Variants in FRAS1 observed in about 807,000 individuals in gnomAD.
FRAS1 encodes the protein Fraser extracellular matrix complex subunit 1, also known as extracellular matrix organizing protein FRAS1.
Under a neutral mutation model 435.2 loss-of-function variants are expected in FRAS1, and 290 were observed. The observed-to-expected ratio is 0.67, with a 90% confidence interval of 0.61 to 0.73. The LOEUF (loss-of-function observed/expected upper bound fraction) is 0.73. Ranked by LOEUF, FRAS1 falls within the 30% of genes least tolerant of loss-of-function variation. The pLI is 0.00. For synonymous variants in FRAS1, 1,800 were observed against 1,851.0 expected, an observed-to-expected ratio of 0.97 and a Z score of 0.71; for missense variants, 4,860 against 5,001.5, an observed-to-expected ratio of 0.97 and a Z score of 0.85.
At chr4:78,475,221 G>A (rs1979760) in intron 53 of FRAS1, among the ~76,000 whole-genome samples, 90,154 of 152,060 alleles carry the variant, frequency 0.59, 27,975 homozygotes, top group South Asian at 0.82. Flanking sequence ...CAGGGAAGAC[G>A]ACATTCTGCA....
chr4:78,093,001 C>A (rs780362173), intron 2 of FRAS1, among the ~76,000 whole-genome samples: 10 of 152,290 alleles, frequency 6.6e-5, no homozygotes, highest in East Asian at 3.9e-4. Context: ...AGGCTTTAAC[C>A]TTTCCTTTTT....
chr4:78,105,646 C>T (rs1211913835), intron 2 of FRAS1, among the ~76,000 whole-genome samples: 1 of 152,060 alleles, frequency 6.6e-6, no homozygotes, highest in African/African-American at 2.4e-5. Flanking sequence ...CTTAACATCA[C>T]AGGGGAAATG....
chr4:78,069,956 C>G lies in FRAS1; in HGVS notation c.108+3940C>G, dbSNP rs181569215. The stretch of plus-strand genomic sequence containing the variant: ...TATTTCTCACAACCAAGTCAGTCCA[C>G]TTGTTGTCTCTGAACACAACTAGCT... On this transcript the variant is annotated intron_variant, in intron 2 of 73. Coordinates refer to ENST00000512123, the MANE Select transcript of FRAS1 (RefSeq NM_025074.7). Among the ~76,000 whole-genome samples, 339 of 152,216 alleles carry G rather than the reference C, an allele frequency of 2.2e-3. 1 individual carries two copies. The highest frequency in any genetic ancestry group is 6.4e-3 in the African/African-American group (265 of 41,526).
chr4:78,536,933 T>A (rs1721903861), intron 71 of FRAS1, 62 bp from the exon 72 acceptor site: 5 of 1,403,760 alleles, frequency 3.6e-6, no homozygotes, highest in Non-Finnish European at 4.0e-6. Context: ...CTTTCAACCC[T>A]TGACATTTGT....
chr4:78,331,289 G>A (rs930940145), intron 18 of FRAS1, among the ~76,000 whole-genome samples: 1 of 152,100 alleles, frequency 6.6e-6, no homozygotes, highest in Non-Finnish European at 1.5e-5. Flanking sequence ...AACCAGTAAG[G>A]CAGGGGCACT....
chr4:78,357,918 A>T (rs1730924333), intron 20 of FRAS1, among the ~76,000 whole-genome samples: 1 of 151,746 alleles, frequency 6.6e-6, no homozygotes, highest in Non-Finnish European at 1.5e-5. Context: ...AAAAAAGACA[A>T]TTTTTTTTCT....
At chr4:78,191,893 AG>A (rs1447997768) in intron 2 of FRAS1, among the ~76,000 whole-genome samples, 5 of 152,162 alleles carry the variant, frequency 3.3e-5, no homozygotes, top group Non-Finnish European at 7.3e-5. Context: ...ATGGCTGTAT[AG>A]TATTCCATAG....
In FRAS1 at chr4:78,127,002, G is replaced by A. The variant is rs147148103; in HGVS notation, c.108+60986G>A. 4.9e-3 allele frequency among the ~76,000 whole-genome samples: 742 copies of A among 152,254 alleles called. 16 individuals are homozygous for A. The highest frequency in any genetic ancestry group is 0.017 in the East Asian group (88 of 5,188). Reference sequence around the variant, plus strand: ...AATATTTATTAAGCCTCTAGTATGTGCCCAGCTTTGTACTAGGCACCAGGA... The same window carrying A: ...AATATTTATTAAGCCTCTAGTATGTACCCAGCTTTGTACTAGGCACCAGGA... On this transcript the variant is annotated intron_variant, in intron 2 of 73. Coordinates refer to ENST00000512123, the MANE Select transcript of FRAS1 (RefSeq NM_025074.7).
At chr4:78,407,431 C>T (rs1733144873) in intron 30 of FRAS1, among the ~76,000 whole-genome samples, 1 of 152,094 alleles carries the variant, frequency 6.6e-6, no homozygotes, top group Non-Finnish European at 1.5e-5. Context: ...CATGAATTGT[C>T]CTTGAATGAC....
intron 45 of FRAS1, among the ~76,000 whole-genome samples, chr4:78,451,043 T>G (rs2109835335): frequency 6.7e-6 from 1 of 148,946 alleles, no homozygotes; most frequent in Middle Eastern, 3.4e-3. Flanking sequence ...GAATTCTCAT[T>G]GGAACTGGCT....
At chr4:78,077,194 A>G (rs1740676062) in intron 2 of FRAS1, among the ~76,000 whole-genome samples, 1 of 67,948 alleles carries the variant, frequency 1.5e-5, no homozygotes, top group Non-Finnish European at 3.2e-5. Context: ...CCAGACACAC[A>G]GAAACACACA....
chr4:78,144,263 A>G (rs1277884153), intron 2 of FRAS1, among the ~76,000 whole-genome samples: 1 of 152,144 alleles, frequency 6.6e-6, no homozygotes, highest in East Asian at 1.9e-4. Flanking sequence ...GAATAAAAAC[A>G]TAATACAGAG....
chr4:78,114,742 G>C (rs1457994864), intron 2 of FRAS1, among the ~76,000 whole-genome samples: 1 of 152,242 alleles, frequency 6.6e-6, no homozygotes, highest in East Asian at 1.9e-4. Flanking sequence ...ATACGATGGG[G>C]TTTTCTAGAT....
intron 2 of FRAS1, among the ~76,000 whole-genome samples, chr4:78,168,192 C>G (rs1169207603): frequency 6.6e-6 from 1 of 151,972 alleles, no homozygotes; most frequent in Non-Finnish European, 1.5e-5. Flanking sequence ...TCTTGCTGAG[C>G]AAATATAGAC....
chr4:78,292,389 A>C (rs896364154), intron 14 of FRAS1, among the ~76,000 whole-genome samples: 11 of 152,200 alleles, frequency 7.2e-5, no homozygotes, highest in African/African-American at 2.7e-4. Context: ...TTAGAGGAAA[A>C]GTTTATAATA....
chr4:78,515,775 TC>T (rs1231488239), intron 65 of FRAS1, 23 bp from the exon 66 acceptor site: 1 of 1,609,420 alleles, frequency 6.2e-7, no homozygotes, highest in Admixed American at 1.7e-5. Context: ...AAGTTATCGT[TC>T]CTTGTTCTTC....
chr4:78,330,607 CT>C (rs935105901), intron 18 of FRAS1, among the ~76,000 whole-genome samples: 4 of 152,212 alleles, frequency 2.6e-5, no homozygotes, highest in East Asian at 1.9e-4. Context: ...ACTGGCCCCC[CT>C]GGGCGTGTGC....
intron 4 of FRAS1, among the ~76,000 whole-genome samples, chr4:78,249,066 T>TATATATATATATATATGC (rs1725399991): frequency 3.1e-5 from 3 of 97,326 alleles, no homozygotes; most frequent in Admixed American, 1.1e-4. Context: ...TATATATGCA[T>TATATATATATATATATGC]ATATATATAT....
chr4:78,519,953 C>A (rs1451618027), intron 67 of FRAS1, among the ~76,000 whole-genome samples: 1 of 152,210 alleles, frequency 6.6e-6, no homozygotes, highest in East Asian at 1.9e-4. Context: ...TCTTTAATTG[C>A]ATCCTCCAAA....
Sources: allele counts gnomAD v4.1 joint callset (sites outside exome capture counted in the v4.1 genomes callset), GRCh38; gene constraint gnomAD v4.1.1; transcripts MANE v1.5; gene names NCBI Gene and HGNC (gene_info 2026-07-23, HGNC 2026-07-21).